The following ETS1 variants were observed in gnomAD, a reference collection of about 807,000 sequenced individuals.
The protein encoded by ETS1 is ETS proto-oncogene 1, transcription factor, also known as protein C-ets-1.
A neutral mutation model predicts 58.6 loss-of-function variants in ETS1; 15 were observed. The ratio of observed to expected loss-of-function variants is 0.26; its 90% CI spans 0.17 to 0.39. ETS1 has a LOEUF of 0.39. Ranked by LOEUF, ETS1 falls within the 10% of genes least tolerant of loss-of-function variation. The pLI is 1.00. For synonymous variants in ETS1, 214 were observed against 218.2 expected, an observed-to-expected ratio of 0.98 and a Z score of 0.17; for missense variants, 417 against 610.5, an observed-to-expected ratio of 0.68 and a Z score of 3.34.
chr11:128,584,949 A>G (rs1392797646), intron 1 of ETS1, among the ~76,000 whole-genome samples: 1 of 22,504 alleles, frequency 4.4e-5, no homozygotes, highest in Non-Finnish European at 7.6e-5. Flanking sequence ...AAAGAAAGAA[A>G]GAAAGAAAGA....
chr11:128,463,667 T>G lies in ETS1; in HGVS notation c.1124-40A>C. On this transcript the variant is annotated intron_variant, in intron 8 of 9. Coordinates refer to ENST00000392668, the MANE Select transcript of ETS1 (RefSeq NM_001143820.2). The surrounding 1 kb of genome is among the most constrained non-coding windows in gnomAD (Gnocchi z 4.1). ...CATTGTGAATCATTACACCAGATAT[T>G]CAGCACTCTACGCAGCTAATCCCCA... The G allele has an allele frequency of 8.9e-7, 1 of 1,119,986 alleles. No homozygotes were observed. Among genetic ancestry groups the G allele is most frequent in the East Asian group, 2.4e-5 (1 of 42,388 alleles). The allele number at this position is 1,119,986 out of a possible 1,614,324, so 69.4% of individuals were successfully genotyped here.
chr11:128,521,134 CAA>C (rs149502414), intron 3 of ETS1, among the ~76,000 whole-genome samples: 24 of 127,864 alleles, frequency 1.9e-4, no homozygotes, highest in African/African-American at 4.3e-4. Flanking sequence ...GTGTCAAAGA[CAA>C]AAAAAAAAAA....
chr11:128,548,231 G>A (rs1236836727), intron 3 of ETS1, among the ~76,000 whole-genome samples: 5 of 150,732 alleles, frequency 3.3e-5, no homozygotes, highest in Admixed American at 1.3e-4. Flanking sequence ...GGGGAACCCC[G>A]GGCAATTACA....
chr11:128,556,019 C>T (rs896471768), intron 3 of ETS1, among the ~76,000 whole-genome samples: 9 of 152,202 alleles, frequency 5.9e-5, no homozygotes, highest in South Asian at 4.1e-4. Context: ...ACAGCCAAAA[C>T]GGGTGTCAGG....
intron 3 of ETS1, among the ~76,000 whole-genome samples, chr11:128,541,319 A>C (rs1022091408): frequency 6.6e-6 from 1 of 152,192 alleles, no homozygotes; most frequent in African/African-American, 2.4e-5. Context: ...AGATGCTCTA[A>C]TGTCACTGAC....
chr11:128,519,583 A>G (rs779518818), intron 3 of ETS1, among the ~76,000 whole-genome samples: 1 of 152,232 alleles, frequency 6.6e-6, no homozygotes, highest in Non-Finnish European at 1.5e-5. Flanking sequence ...TTGTCCTTCC[A>G]CTAACAAAAG....
intron 3 of ETS1, among the ~76,000 whole-genome samples, chr11:128,537,482 G>C (rs12284385): frequency 3.7e-4 from 57 of 152,282 alleles, no homozygotes; most frequent in African/African-American, 1.3e-3. Context: ...ACTGGAGGAG[G>C]AATTAAATCG....
chr11:128,554,924 T>G (rs1864289083), intron 3 of ETS1, among the ~76,000 whole-genome samples: 1 of 152,198 alleles, frequency 6.6e-6, no homozygotes. Context: ...AGTCCTTAAG[T>G]CTGACGTGTG....
intron 1 of ETS1, among the ~76,000 whole-genome samples, chr11:128,577,187 G>C (rs1189937560): frequency 6.6e-6 from 1 of 152,202 alleles, no homozygotes; most frequent in Non-Finnish European, 1.5e-5. Context: ...AAAAATGTAA[G>C]AGGTAGATCA....
At chr11:128,550,892 A>G (rs1359879017) in intron 3 of ETS1, among the ~76,000 whole-genome samples, 4 of 152,232 alleles carry the variant, frequency 2.6e-5, no homozygotes, top group Non-Finnish European at 5.9e-5. Context: ...AAAATAAAAT[A>G]AAGAGACTGG....
intron 8 of ETS1, among the ~76,000 whole-genome samples, chr11:128,470,392 G>C (rs1344280560): frequency 6.6e-6 from 1 of 152,150 alleles, no homozygotes; most frequent in Non-Finnish European, 1.5e-5. Context: ...GTTCTTACCT[G>C]AATCACCATA....
chr11:128,526,064 C>T (rs1433783914), intron 3 of ETS1: 1 of 151,272 alleles, frequency 6.6e-6, no homozygotes, highest in Non-Finnish European at 1.5e-5. Flanking sequence ...TCAGCCCTAG[C>T]TCTCCCTAGA....
chr11:128,462,462 G>A lies in ETS1; in HGVS notation c.1357C>T (p.Arg453Cys). The change falls in exon 10 of 10, where the codon CGC becomes TGC. Residue 453 changes from arginine (R) to cysteine (C), a missense_variant. Arg to Cys is a radical substitution (Grantham distance 180). Around this residue, in one of 4 missense-constraint regions of ETS1, gnomAD observed 56 missense variants for 156.1 expected, o/e 0.36. Transcript: ENST00000392668. ...KNIIHKTAGK[R>C]YVYRFVCDLQ... is the part of the protein sequence containing the mutation. ...TCACACACAAAGCGGTACACGTAGC[G>A]TTTCCCCGCTGTCTTGTGGATGATG... 6.2e-7 allele frequency: 1 copy of A among 1,614,140 alleles called. No individual in the cohort carries two copies. The highest frequency in any genetic ancestry group is 1.3e-5 in the African/African-American group (1 of 75,028).
intron 8 of ETS1, among the ~76,000 whole-genome samples, chr11:128,476,299 C>G (rs367606767): frequency 1.3e-5 from 2 of 152,234 alleles, no homozygotes; most frequent in African/African-American, 4.8e-5. Context: ...CCCACATACC[C>G]CTAACCCACA....
At chr11:128,578,005 G>A (rs1864787858) in intron 1 of ETS1, among the ~76,000 whole-genome samples, 1 of 151,938 alleles carries the variant, frequency 6.6e-6, no homozygotes, top group African/African-American at 2.4e-5. Context: ...GCATGAGATG[G>A]AGAAGACAAA....
At chr11:128,532,226 C>T (rs1863908631) in intron 3 of ETS1, among the ~76,000 whole-genome samples, 2 of 152,202 alleles carry the variant, frequency 1.3e-5, no homozygotes, top group Admixed American at 6.5e-5. Flanking sequence ...AAGTATTCTG[C>T]TCCCTGGTGT....
At chr11:128,475,882 TTG>T (rs61450075) in intron 8 of ETS1, among the ~76,000 whole-genome samples, 16,542 of 149,788 alleles carry the variant, frequency 0.11, 1,188 homozygotes, top group Non-Finnish European at 0.16. Context: ...ACTAGTACCT[TTG>T]TGTGTGTGTG....
At chr11:128,516,529 C>T (rs1025225569) in intron 3 of ETS1, among the ~76,000 whole-genome samples, 1 of 152,176 alleles carries the variant, frequency 6.6e-6, no homozygotes, top group African/African-American at 2.4e-5. Context: ...ACTAACTCTT[C>T]GGGAAAATGC....
intron 3 of ETS1, among the ~76,000 whole-genome samples, chr11:128,529,267 G>A (rs1249986331): frequency 6.6e-6 from 1 of 152,172 alleles, no homozygotes; most frequent in African/African-American, 2.4e-5. Flanking sequence ...CAGAAGCACT[G>A]TATTTTGAAA....
Sources: gnomAD v4.1 joint callset for allele counts (sites outside exome capture counted in the v4.1 genomes callset) on GRCh38, gnomAD v4.1.1 for gene constraint, gnomAD v4.1.1 regional missense constraint, Gnocchi (gnomAD v3.1) non-coding constraint, MANE v1.5 for transcripts, NCBI Gene and HGNC (gene_info 2026-07-23, HGNC 2026-07-21) for gene names.